GPC6: variants seen among roughly 807,000 people sequenced by gnomAD.
The protein encoded by GPC6 is glypican 6.
In GPC6, 14 loss-of-function variants were observed where a neutral mutation model predicts 55.2. That is an observed-to-expected ratio of 0.25 (90% CI 0.17 to 0.40). The LOEUF (loss-of-function observed/expected upper bound fraction) is 0.40. Ranked by LOEUF, GPC6 falls within the 10% of genes least tolerant of loss-of-function variation. The pLI is 1.00. For missense variants in GPC6, 641 were observed against 708.5 expected (o/e 0.90, Z 1.08); for synonymous variants, 278 against 259.6 (o/e 1.07, Z -0.68).
At chr13:93,377,999 A>T (rs1032454206) in intron 1 of GPC6, among the ~76,000 whole-genome samples, 3 of 152,340 alleles carry the variant, frequency 2.0e-5, no homozygotes, top group Admixed American at 2.0e-4. Context: ...AGCACTGTAG[A>T]TTTAAGCCCA....
intron 1 of GPC6, among the ~76,000 whole-genome samples, chr13:93,538,705 A>G (rs910877720): frequency 7.9e-5 from 12 of 152,202 alleles, no homozygotes; most frequent in African/African-American, 2.7e-4. Context: ...GTAGAGTTAA[A>G]GGAACTGACT....
intron 6 of GPC6, among the ~76,000 whole-genome samples, chr13:94,342,614 C>A (rs909352082): frequency 2.0e-5 from 3 of 152,174 alleles, no homozygotes; most frequent in Non-Finnish European, 4.4e-5. Context: ...TGTTTTAAGT[C>A]ACCCCGTTGT....
intron 1 of GPC6, among the ~76,000 whole-genome samples, chr13:93,430,406 G>A (rs1402838399): frequency 3.9e-5 from 6 of 152,084 alleles, no homozygotes; most frequent in Non-Finnish European, 7.4e-5. Context: ...CATGGGTTAC[G>A]AAGGTATCAT....
At chr13:94,108,836 C>T (rs1186146356) in intron 4 of GPC6, among the ~76,000 whole-genome samples, 1 of 147,520 alleles carries the variant, frequency 6.8e-6, no homozygotes, top group Non-Finnish European at 1.5e-5. Context: ...GAGCGAGACT[C>T]CGTCTCAAAA....
At position 94,018,898 on chromosome 13, in the gene GPC6, T is replaced by C. The variant is rs1313518688; in HGVS notation, c.712-8831T>C. Among the ~76,000 whole-genome samples the C allele has an allele frequency of 3.3e-5, 5 of 152,180 alleles. No homozygotes were observed. The East Asian group carries it at 9.7e-4, about 29-fold the overall frequency. On this transcript the variant is annotated intron_variant, in intron 3 of 8. Transcript: ENST00000377047. ...CTCCTTATGAGAATCTAACTAATGCTTGATGATCCGAGGTGGAACAGTTTC... is the reference window on the plus strand; with the variant it reads ...CTCCTTATGAGAATCTAACTAATGCCTGATGATCCGAGGTGGAACAGTTTC...
At chr13:93,301,758 G>A (rs780720762) in intron 1 of GPC6, among the ~76,000 whole-genome samples, 1 of 152,136 alleles carries the variant, frequency 6.6e-6, no homozygotes, top group East Asian at 1.9e-4. Context: ...TACAAATGGA[G>A]CCTTTGGGAG....
intron 2 of GPC6, among the ~76,000 whole-genome samples, chr13:93,805,860 G>A (rs1886528874): frequency 6.6e-6 from 1 of 152,014 alleles, no homozygotes; most frequent in Non-Finnish European, 1.5e-5. Context: ...TTTAATTTAT[G>A]GCTCCTTTTC....
intron 1 of GPC6, among the ~76,000 whole-genome samples, chr13:93,295,764 G>A (rs1175264255): frequency 6.6e-6 from 1 of 152,114 alleles, no homozygotes; most frequent in African/African-American, 2.4e-5. Context: ...AGGGAGTGCA[G>A]TGGGTGCCAT....
intron 4 of GPC6, among the ~76,000 whole-genome samples, chr13:94,111,991 C>T (rs1371350515): frequency 6.6e-6 from 1 of 152,094 alleles, no homozygotes; most frequent in African/African-American, 2.4e-5. Flanking sequence ...TCCAGCTAAT[C>T]AACACACTTG....
At chr13:94,326,458 G>GA (rs778881946) in intron 6 of GPC6, among the ~76,000 whole-genome samples, 2 of 151,878 alleles carry the variant, frequency 1.3e-5, no homozygotes, top group Non-Finnish European at 2.9e-5. Flanking sequence ...TAATCACAAA[G>GA]AAAAAAAGTA....
At chr13:94,367,033 G>A (rs1037233148) in intron 6 of GPC6, among the ~76,000 whole-genome samples, 13 of 152,194 alleles carry the variant, frequency 8.5e-5, no homozygotes, top group African/African-American at 2.2e-4. Context: ...ACTGCCTAGC[G>A]AGGGGAGATG....
intron 2 of GPC6, among the ~76,000 whole-genome samples, chr13:93,724,513 G>A (rs558966291): frequency 7.9e-5 from 12 of 152,074 alleles, no homozygotes; most frequent in African/African-American, 2.4e-4. Flanking sequence ...TTTTAATGAA[G>A]TGTTTCTAAA....
chr13:93,846,479 T>A (rs554614773), intron 3 of GPC6, among the ~76,000 whole-genome samples: 2 of 152,222 alleles, frequency 1.3e-5, no homozygotes, highest in Non-Finnish European at 2.9e-5. Flanking sequence ...TCTATGGTAG[T>A]GCTATTCGAC....
At chr13:94,399,155 C>T (rs1156641442) in intron 8 of GPC6, among the ~76,000 whole-genome samples, 1 of 152,214 alleles carries the variant, frequency 6.6e-6, no homozygotes, top group East Asian at 1.9e-4. Context: ...GCTTCAGAGG[C>T]TTTTAGAAGC....
intron 5 of GPC6, among the ~76,000 whole-genome samples, chr13:94,295,649 T>C (rs901375567): frequency 6.6e-6 from 1 of 152,198 alleles, no homozygotes; most frequent in African/African-American, 2.4e-5. Flanking sequence ...GCCTGTTGGC[T>C]ACATCAACAC....
intron 6 of GPC6, among the ~76,000 whole-genome samples, chr13:94,312,305 G>C (rs1876289333): frequency 6.6e-6 from 1 of 152,142 alleles, no homozygotes; most frequent in African/African-American, 2.4e-5. Context: ...ACTTACAAAA[G>C]ATCATCAAGA....
At chr13:94,164,721 T>C (rs1888290352) in intron 4 of GPC6, among the ~76,000 whole-genome samples, 1 of 152,166 alleles carries the variant, frequency 6.6e-6, no homozygotes, top group Admixed American at 6.5e-5. Flanking sequence ...TTAAAGAATC[T>C]CATCATAACT....
At chr13:93,525,615 T>C (rs777154522) in intron 1 of GPC6, among the ~76,000 whole-genome samples, 16 of 152,032 alleles carry the variant, frequency 1.1e-4, no homozygotes, top group Non-Finnish European at 1.9e-4. Flanking sequence ...GAACTAATTT[T>C]TGATTTGTTC....
At chr13:93,332,871 G>A (rs966109354) in intron 1 of GPC6, among the ~76,000 whole-genome samples, 1 of 152,118 alleles carries the variant, frequency 6.6e-6, no homozygotes, top group Non-Finnish European at 1.5e-5. Flanking sequence ...ATTTTGGTTT[G>A]ATTTTTGTAT....
Sources: gnomAD v4.1 joint callset for allele counts (sites outside exome capture counted in the v4.1 genomes callset) on GRCh38, gnomAD v4.1.1 for gene constraint, MANE v1.5 for transcripts, NCBI Gene and HGNC (gene_info 2026-07-23, HGNC 2026-07-21) for gene names.